ZNF676: variants seen among roughly 807,000 people sequenced by gnomAD.
ZNF676 encodes the protein zinc finger protein 676.
A neutral mutation model predicts 6.0 loss-of-function variants in ZNF676; 4 were observed. The observed-to-expected ratio is 0.67, with a 90% CI of 0.33 to 1.53. The LOEUF is 1.53. Ranked by LOEUF, ZNF676 falls within the 40% of genes most tolerant of loss-of-function variation. The pLI, the probability that ZNF676 is intolerant of heterozygous loss-of-function variation, is 0.06. For missense variants in ZNF676, 644 were observed against 679.7 expected, an observed-to-expected ratio of 0.95 and a Z score of 0.58; for synonymous variants, 198 against 223.1, an observed-to-expected ratio of 0.89 and a Z score of 1.00.
chr19:22,197,451 G>C (rs1364550841), upstream of ZNF676, among the ~76,000 whole-genome samples: 1 of 148,464 alleles, frequency 6.7e-6, no homozygotes, highest in African/African-American at 2.5e-5. Context: ...ATAAGCTAGA[G>C]ATCCTGTTAA....
At chr19:22,222,176 C>T in the ZNF676 span, among the ~76,000 whole-genome samples, 2 of 152,060 alleles carry the variant, frequency 1.3e-5, no homozygotes, top group African/African-American at 4.8e-5. Flanking sequence ...GTGATCTTGG[C>T]TCACTTGCAA....
intron 1 of ZNF676, among the ~76,000 whole-genome samples, chr19:22,193,527 G>A (rs1207257939): frequency 6.6e-6 from 1 of 152,046 alleles, no homozygotes; most frequent in Non-Finnish European, 1.5e-5. Context: ...CAGACAACAG[G>A]AGTCAGGTTT....
chr19:22,255,190 T>C, the ZNF676 span, among the ~76,000 whole-genome samples: 2 of 152,136 alleles, frequency 1.3e-5, no homozygotes, highest in Non-Finnish European at 2.9e-5. Flanking sequence ...CACCAACCCA[T>C]CTGTGGACAA....
the ZNF676 span, among the ~76,000 whole-genome samples, chr19:22,251,392 G>C: frequency 6.6e-6 from 1 of 152,130 alleles, no homozygotes; most frequent in Non-Finnish European, 1.5e-5. Context: ...TGTTGTTTTT[G>C]AGTATTTTCC....
At position 22,179,801 on chromosome 19, in the gene ZNF676, C is replaced by G. The variant is rs1380662751; in HGVS notation, c.*149G>C. ...TCACGTTTGTAGTGTTTCTCTCCAGCATGAATTTTCTTATGTGTAATAAAG... is the reference window on the plus strand; with the variant it reads ...TCACGTTTGTAGTGTTTCTCTCCAGGATGAATTTTCTTATGTGTAATAAAG... On this transcript the variant is annotated 3_prime_UTR_variant, in exon 3 of 3. Coordinates refer to ENST00000397121, the MANE Select transcript of ZNF676 (RefSeq NM_001001411.3). 1.1e-6 allele frequency: 1 copy of G among 933,350 alleles called. No homozygotes were observed. The highest frequency in any genetic ancestry group is 1.7e-5 in the African/African-American group (1 of 60,178). 57.8% of individuals were successfully genotyped at this position (933,350 alleles called of 1,614,324 possible). A position where few individuals can be genotyped will look rare whatever the true frequency, so the allele number is the denominator to read the frequency against.
At chr19:22,258,987 T>G in the ZNF676 span, among the ~76,000 whole-genome samples, 1 of 152,198 alleles carries the variant, frequency 6.6e-6, no homozygotes, top group Non-Finnish European at 1.5e-5. Context: ...TCCTGCACGC[T>G]GGGTGTCCTT....
chr19:22,216,665 G>A (rs1190488719), upstream of ZNF676, among the ~76,000 whole-genome samples: 1 of 149,044 alleles, frequency 6.7e-6, no homozygotes, highest in East Asian at 2.0e-4. Context: ...GACGAGTCTT[G>A]CCAGGCTAGA....
chr19:22,251,425 T>C, the ZNF676 span, among the ~76,000 whole-genome samples: 2 of 152,178 alleles, frequency 1.3e-5, no homozygotes, highest in Non-Finnish European at 2.9e-5. Flanking sequence ...CTAATTCTGC[T>C]TATTCCTTTG....
chr19:22,233,254 C>T, the ZNF676 span, among the ~76,000 whole-genome samples: 1 of 152,128 alleles, frequency 6.6e-6, no homozygotes, highest in Non-Finnish European at 1.5e-5. Context: ...AGTGATCCAC[C>T]CATCGCTGCC....
chr19:22,254,746 T>C, the ZNF676 span, among the ~76,000 whole-genome samples: 2 of 152,174 alleles, frequency 1.3e-5, no homozygotes, highest in African/African-American at 2.4e-5. Context: ...TCACAATCTG[T>C]TCTTGGGCAG....
intron 1 of ZNF676, among the ~76,000 whole-genome samples, chr19:22,215,040 C>CAAAAAAAAAAAAA (rs1159376851): frequency 1.9e-4 from 10 of 51,400 alleles, no homozygotes; most frequent in Non-Finnish European, 3.2e-4. Context: ...GACTCCATCT[C>CAAAAAAAAAAAAA]AAAAAAAAAA....
the ZNF676 span, among the ~76,000 whole-genome samples, chr19:22,236,042 G>A: frequency 2.0e-5 from 3 of 151,460 alleles, no homozygotes; most frequent in African/African-American, 4.9e-5. Flanking sequence ...CCAAATGAAA[G>A]AGTTGAATGG....
chr19:22,246,131 T>C, the ZNF676 span, among the ~76,000 whole-genome samples: 20 of 152,046 alleles, frequency 1.3e-4, no homozygotes, highest in African/African-American at 4.1e-4. Flanking sequence ...AGGGCCAGGA[T>C]GCACACACAT....
chr19:22,196,745 C>A lies in ZNF676; in HGVS notation c.-112G>T. Reference sequence around the variant, plus strand: ...ATGCTCCCTGGAAAACACACACAAACACATATATTTACCAATTGGTCATGG... The same window carrying A: ...ATGCTCCCTGGAAAACACACACAAAAACATATATTTACCAATTGGTCATGG... On this transcript the variant is annotated 5_prime_UTR_variant, in exon 1 of 3. Coordinates refer to ENST00000397121, the MANE Select transcript of ZNF676 (RefSeq NM_001001411.3). 6.3e-7 allele frequency: 1 copy of A among 1,585,726 alleles called. No individual in the cohort carries two copies.
At chr19:22,197,948 G>T (rs141712239), upstream of ZNF676, among the ~76,000 whole-genome samples, 6 of 152,196 alleles carry the variant, frequency 3.9e-5, no homozygotes, top group Non-Finnish European at 8.8e-5. Context: ...TAGTTTTATG[G>T]AAAGTTCAAG....
At chr19:22,182,593 A>AAAAAAAAAAAC (rs1356303631) in intron 2 of ZNF676, among the ~76,000 whole-genome samples, 3 of 90,942 alleles carry the variant, frequency 3.3e-5, no homozygotes, top group African/African-American at 1.4e-4. Context: ...TCTAAAAAAA[A>AAAAAAAAAAAC]AAAAAAAAAG....
chr19:22,236,404 A>G, the ZNF676 span, among the ~76,000 whole-genome samples: 1 of 152,150 alleles, frequency 6.6e-6, no homozygotes, highest in African/African-American at 2.4e-5. Flanking sequence ...CTTTAACTGG[A>G]GGACCACAGT....
intron 2 of ZNF676, among the ~76,000 whole-genome samples, chr19:22,182,533 T>C (rs1334354128): frequency 8.0e-6 from 1 of 124,526 alleles, no homozygotes; most frequent in Non-Finnish European, 1.6e-5. Context: ...CAGTGAATTG[T>C]CAACAAAAGA....
chr19:22,182,263 C>G (rs1320562113), intron 2 of ZNF676, among the ~76,000 whole-genome samples: 6 of 151,996 alleles, frequency 3.9e-5, no homozygotes, highest in African/African-American at 1.4e-4. Flanking sequence ...TAGCCAAGAC[C>G]ATTATTTTCT....
Sources: gnomAD v4.1 joint callset for allele counts (sites outside exome capture counted in the v4.1 genomes callset) on GRCh38, gnomAD v4.1.1 for gene constraint, MANE v1.5 for transcripts, NCBI Gene and HGNC (gene_info 2026-07-23, HGNC 2026-07-21) for gene names.